CRYBG1: variants seen among roughly 807,000 people sequenced by gnomAD.
CRYBG1 encodes beta/gamma crystallin domain-containing protein 1.
Under a neutral mutation model 189.2 loss-of-function variants are expected in CRYBG1, and 139 were observed. The observed-to-expected ratio is 0.73, with a 90% CI of 0.64 to 0.85. The LOEUF is 0.85. Ranked by LOEUF, CRYBG1 falls within the 40% of genes least tolerant of loss-of-function variation. The pLI, the probability that CRYBG1 is intolerant of heterozygous loss-of-function variation, is 0.00. For missense variants in CRYBG1, 2,611 were observed against 2,675.8 expected (o/e 0.98, Z 0.53); for synonymous variants, 1,023 against 1,017.1 (o/e 1.01, Z -0.11).
chr6:106,360,940 C>T lies in CRYBG1; in HGVS notation c.32C>T (p.Pro11Leu). Residue 11 changes from proline (P) to leucine (L), a missense_variant, in exon 1 of 22, where the codon CCC becomes CTC. Pro to Leu is a moderately conservative substitution (Grantham distance 98). Transcript: ENST00000633556. ...CTGTCCCCGCCAGCCCAGGGCGACC[C>T]CGGGGAGCCCAGCCCGTGCAGGCCC... MPLSPPAQGD[P>L]GEPSPCRPPK... 1 of 1,534,884 alleles carries T rather than the reference C, an allele frequency of 6.5e-7. No individual in the cohort carries two copies. The highest frequency in any genetic ancestry group is 8.7e-7 in the Non-Finnish European group (1 of 1,146,394).
At chr6:106,397,636 A>G (rs1206301365) in intron 1 of CRYBG1, among the ~76,000 whole-genome samples, 1 of 152,192 alleles carries the variant, frequency 6.6e-6, no homozygotes, top group Non-Finnish European at 1.5e-5. Context: ...TAGTCAGCAC[A>G]TTATTCCCAG....
intron 1 of CRYBG1, among the ~76,000 whole-genome samples, chr6:106,438,529 C>T (rs11152990): frequency 0.27 from 41,121 of 152,044 alleles, 6,373 homozygotes; most frequent in South Asian, 0.39. Flanking sequence ...TTCTCGTTGG[C>T]TTCCCACTGC....
chr6:106,457,572 C>A (rs1186969844), intron 2 of CRYBG1, among the ~76,000 whole-genome samples: 1 of 152,188 alleles, frequency 6.6e-6, no homozygotes, highest in Non-Finnish European at 1.5e-5. Context: ...CTAGTGTCAT[C>A]CATCTGGACA....
At chr6:106,391,077 C>CT (rs1054557237) in intron 1 of CRYBG1, among the ~76,000 whole-genome samples, 2 of 151,950 alleles carry the variant, frequency 1.3e-5, no homozygotes, top group African/African-American at 4.8e-5. Flanking sequence ...TCAGTTCTTT[C>CT]TTTTTTTTGA....
chr6:106,389,362 T>C (rs1770456615), intron 1 of CRYBG1, among the ~76,000 whole-genome samples: 1 of 152,154 alleles, frequency 6.6e-6, no homozygotes, highest in Admixed American at 6.5e-5. Context: ...CACCCTTGAT[T>C]TGGCTCGAGT....
intron 6 of CRYBG1, 110 bp downstream of exon 6, chr6:106,525,496 C>A: frequency 1.2e-6 from 1 of 824,066 alleles, no homozygotes; most frequent in Non-Finnish European, 2.1e-6. Context: ...CAATGAAAAG[C>A]ACAGGAAATA....
At chr6:106,462,369 C>T (rs1029201495) in intron 2 of CRYBG1, among the ~76,000 whole-genome samples, 1 of 151,912 alleles carries the variant, frequency 6.6e-6, no homozygotes, top group Admixed American at 6.6e-5. Flanking sequence ...ACAGGGTTTA[C>T]GCCGTGGTCT....
In CRYBG1 at chr6:106,521,280, G is replaced by C. The variant is rs760392136; in HGVS notation, c.4072G>C (p.Glu1358Gln). The change falls in exon 4 of 22, where the codon GAA (glutamate) becomes CAA (glutamine). Residue 1358 changes from glutamate to glutamine, a missense_variant. By Grantham distance (29) the Glu-to-Gln change is conservative. Transcript: ENST00000633556. ...NLHLPETKFSELSKLKNDDME... is the reference protein window; with the variant it reads ...NLHLPETKFSQLSKLKNDDME... ...ACACTTGCCAGAAACTAAATTTTCT[G>C]AATTGTCAAAACTGAAGAATGATGA... The C allele has an allele frequency of 6.2e-7, 1 of 1,613,848 alleles. No homozygotes were observed. The highest frequency in any genetic ancestry group is 8.5e-7 in the Non-Finnish European group (1 of 1,179,960).
At chr6:106,389,410 A>C (rs1207432874) in intron 1 of CRYBG1, among the ~76,000 whole-genome samples, 1 of 152,094 alleles carries the variant, frequency 6.6e-6, no homozygotes. Context: ...TTATGAGTGA[A>C]ACTAGTTTTC....
chr6:106,512,396 T>C lies in CRYBG1; in HGVS notation c.1279T>C (p.Ser427Pro), dbSNP rs1396489335. 6 of 1,609,280 alleles carry C rather than the reference T, an allele frequency of 3.7e-6. No individual in the cohort carries two copies. In the Admixed American group the frequency reaches 8.4e-5, roughly 22 times the overall value. The change falls in exon 3 of 22, where the codon TCC becomes CCC. Residue 427 changes from serine (S) to proline (P), a missense_variant. Physicochemically the swap from Ser to Pro is moderately conservative, Grantham distance 74 (BLOSUM62 -1). Around this residue, in one of 3 missense-constraint regions of CRYBG1, gnomAD observed 985 missense variants for 924.4 expected, o/e 1.07. Transcript: ENST00000633556. The part of the protein sequence containing the change: ...RSGRRRGSQK[S>P]TDSPGADAEL... ...GGGGAGGCGGAGGGGGTCGCAGAAATCCACCGACTCCCCCGGCGCGGACGC... is the reference window on the plus strand; with the variant it reads ...GGGGAGGCGGAGGGGGTCGCAGAAACCCACCGACTCCCCCGGCGCGGACGC...
intron 1 of CRYBG1, among the ~76,000 whole-genome samples, chr6:106,416,524 T>A (rs980627654): frequency 2.6e-5 from 4 of 152,224 alleles, no homozygotes; most frequent in African/African-American, 7.2e-5. Context: ...TTCTGCTGTA[T>A]GTTAGTACCT....
At chr6:106,546,944 G>C (rs1654625272) in intron 13 of CRYBG1, among the ~76,000 whole-genome samples, 1 of 152,100 alleles carries the variant, frequency 6.6e-6, no homozygotes, top group Non-Finnish European at 1.5e-5. Context: ...AATTCCCTTA[G>C]GTATTTTGTA....
chr6:106,511,535 A>T lies in CRYBG1; in HGVS notation c.418A>T (p.Ser140Cys). ...AAGAAACAGTAGAAACGGGTTAGAG[A>T]GTCCCACCAGATCAAATGCCAAACC... ...RRRNSRNGLE[S>C]PTRSNAKPLS... The change falls in exon 3 of 22, where the codon AGT becomes TGT. Residue 140 changes from serine to cysteine, a missense_variant. Transcript: ENST00000633556. 2.0e-6 allele frequency: 3 copies of T among 1,535,782 alleles called. No homozygotes were observed. The highest frequency in any genetic ancestry group is 2.6e-6 in the Non-Finnish European group (3 of 1,146,628).
intron 2 of CRYBG1, among the ~76,000 whole-genome samples, chr6:106,485,221 AATTT>A (rs980846742): frequency 8.5e-5 from 13 of 152,128 alleles, no homozygotes; most frequent in Admixed American, 2.6e-4. Flanking sequence ...TCCTTGGTTA[AATTT>A]ATTCCTAGAT....
intron 21 of CRYBG1, among the ~76,000 whole-genome samples, chr6:106,564,550 G>A (rs1774821052): frequency 6.6e-6 from 1 of 152,172 alleles, no homozygotes; most frequent in African/African-American, 2.4e-5. Flanking sequence ...TCACCTGGAG[G>A]GCGGGTTAAA....
intron 11 of CRYBG1, 91 bp from the exon 12 acceptor site, chr6:106,544,474 TTATAAC>T: frequency 7.1e-7 from 1 of 1,404,630 alleles, no homozygotes; most frequent in Non-Finnish European, 9.7e-7. Context: ...ATGTCTAGCT[TTATAAC>T]TATTTGTATT....
intron 21 of CRYBG1, among the ~76,000 whole-genome samples, chr6:106,568,112 C>T (rs552059153): frequency 6.9e-6 from 1 of 145,114 alleles, no homozygotes; most frequent in African/African-American, 2.7e-5. Context: ...ATATGTTAGT[C>T]TCTTTACTCC....
rs189153639 is a variant in CRYBG1, at chr6:106,545,078, T to C, written c.5312+145T>C. On this transcript the variant is annotated intron_variant, in intron 13 of 21. Transcript: ENST00000633556. ...TAAATCAGTCATTTAATAGTTGCTG[T>C]CATGATATTTTCGTTAACTCTCTTT... The C allele has an allele frequency of 3.1e-5, 21 of 676,914 alleles. No homozygotes were observed. The Admixed American group carries it at 4.6e-4, about 15-fold the overall frequency. 41.9% of individuals were successfully genotyped at this position (676,914 alleles called of 1,614,324 possible). A position where few individuals can be genotyped will look rare whatever the true frequency, so the allele number is the denominator to read the frequency against.
chr6:106,561,278 A>G, intron 19 of CRYBG1, 64 bp from the exon 20 acceptor site: 1 of 1,532,044 alleles, frequency 6.5e-7, no homozygotes, highest in Non-Finnish European at 8.9e-7. Context: ...CCTGATATTC[A>G]TGCTTGTTCA....
Sources: allele counts gnomAD v4.1 joint callset (sites outside exome capture counted in the v4.1 genomes callset), GRCh38; gene constraint gnomAD v4.1.1; regional missense constraint gnomAD v4.1.1; transcripts MANE v1.5; gene names NCBI Gene and HGNC (gene_info 2026-07-23, HGNC 2026-07-21).